Variants in SSBP4 observed in about 807,000 individuals in gnomAD.
SSBP4 encodes single stranded DNA binding protein 4.
A neutral mutation model predicts 64.6 loss-of-function variants in SSBP4; 33 were observed. The ratio of observed to expected loss-of-function variants is 0.51; its 90% CI spans 0.39 to 0.68. The LOEUF is 0.68. Ranked by LOEUF, SSBP4 falls within the 30% of genes least tolerant of loss-of-function variation. The pLI is 0.00. For synonymous variants in SSBP4, 243 were observed against 224.0 expected (o/e 1.08, Z -0.76); for missense variants, 583 against 566.8 (o/e 1.03, Z -0.29).
At chr19:18,404,848 C>T in the SSBP4 span, among the ~76,000 whole-genome samples, 3 of 144,248 alleles carry the variant, frequency 2.1e-5, no homozygotes, top group Non-Finnish European at 4.5e-5. Flanking sequence ...GCCAAGACCA[C>T]GCCACTGCAC....
chr19:18,424,027 C>T (rs1972658861), intron 1 of SSBP4, among the ~76,000 whole-genome samples: 1 of 152,218 alleles, frequency 6.6e-6, no homozygotes, highest in Non-Finnish European at 1.5e-5. Flanking sequence ...AACTCCCTGG[C>T]CGAACAGCCA....
chr19:18,419,120 C>T, upstream of SSBP4: 1 of 985,484 alleles, frequency 1.0e-6, no homozygotes, highest in Non-Finnish European at 1.2e-6. Context: ...GCTGGGTGTA[C>T]AACAATGTGG....
upstream of SSBP4, among the ~76,000 whole-genome samples, chr19:18,415,885 G>C (rs1972127757): frequency 6.6e-6 from 1 of 152,026 alleles, no homozygotes; most frequent in African/African-American, 2.4e-5. Flanking sequence ...ATCCATGGTG[G>C]GTGACTCACC....
rs1416333576 is a variant in SSBP4 at position 18,423,957 on chromosome 19, CGCCCCCAGACCTG to C, written c.60-3387_60-3375del. Among the ~76,000 whole-genome samples, 3 of 152,204 alleles carry C rather than the reference CGCCCCCAGACCTG, an allele frequency of 2.0e-5. No individual in the cohort carries two copies. Among genetic ancestry groups the C allele is most frequent in the Admixed American group, 2.0e-4 (3 of 15,296 alleles). On this transcript the variant is annotated intron_variant, in intron 1 of 17. Coordinates refer to ENST00000270061, the MANE Select transcript of SSBP4 (RefSeq NM_032627.5). This position sits in a 1 kb window ranked among gnomAD's most constrained non-coding sequence, Gnocchi z 4.0. The stretch of plus-strand genomic sequence containing the variant: ...CTGAGCTCAGGGCCCCAACCGGTGG[CGCCCCCAGACCTG>C]GCCCCCGGAGCAGTCCTCTGGGAGG...
the SSBP4 span, among the ~76,000 whole-genome samples, chr19:18,408,908 G>A: frequency 6.6e-6 from 1 of 152,092 alleles, no homozygotes; most frequent in Admixed American, 6.6e-5. Context: ...CACTTCCTGG[G>A]CTCAAGCGAT....
intron 1 of SSBP4, 71 bp downstream of exon 1, chr19:18,419,778 CGCGGGGCACGTGGGCGCGGGCGGCGG>C: frequency 9.5e-7 from 1 of 1,056,494 alleles, no homozygotes; most frequent in South Asian, 4.5e-5. Flanking sequence ...GCGGGCACCG[CGCGGGGCACGTGGGCGCGGGCGGCGG>C]GGAGCGCGAG....
the SSBP4 span, among the ~76,000 whole-genome samples, chr19:18,410,646 A>T: frequency 6.6e-6 from 1 of 151,940 alleles, no homozygotes; most frequent in Non-Finnish European, 1.5e-5. Context: ...CCGACCTGAG[A>T]GCAAGGGCAA....
At chr19:18,430,469 T>G (rs1020501988) in intron 4 of SSBP4, among the ~76,000 whole-genome samples, 1 of 152,126 alleles carries the variant, frequency 6.6e-6, no homozygotes, top group East Asian at 1.9e-4. Flanking sequence ...GGGTCTACAC[T>G]TGTTCTAAGG....
In SSBP4 at chr19:18,427,566, G is replaced by GGCTA. The variant is rs1225056223; in HGVS notation, c.132+146_132+149dup. 2 of 1,251,334 alleles carry GGCTA rather than the reference G, an allele frequency of 1.6e-6. No individual in the cohort carries two copies. The highest frequency in any genetic ancestry group is 1.5e-5 in the African/African-American group (1 of 66,542). 77.5% of individuals were successfully genotyped at this position (1,251,334 alleles called of 1,614,324 possible). A position where few individuals can be genotyped will look rare whatever the true frequency, so the allele number is the denominator to read the frequency against. ...AGGGCTCTGCAGGGTCCAGGCCCTG[G>GGCTA]GCTAGCATCCAGGCATCTGGTCCAC... is the stretch of plus-strand genomic sequence containing the variant. On this transcript the variant is annotated intron_variant, in intron 2 of 17. Coordinates refer to ENST00000270061, the MANE Select transcript of SSBP4 (RefSeq NM_032627.5). This position sits in a 1 kb window ranked among gnomAD's most constrained non-coding sequence, Gnocchi z 4.4.
In SSBP4 at chr19:18,434,207, C is replaced by G; in HGVS notation, c.1129-10C>G. The G allele has an allele frequency of 1.2e-6, 2 of 1,611,694 alleles. No individual in the cohort carries two copies. Among genetic ancestry groups the G allele is most frequent in the Non-Finnish European group, 1.7e-6 (2 of 1,179,456 alleles). ...CGGCCCCTGCGCGCTGCCCCCTCCT[C>G]TCTCCGCAGTACTCGCCAGGGATGA... On this transcript the variant is annotated splice_polypyrimidine_tract_variant and intron_variant, in intron 17 of 17. Coordinates refer to ENST00000270061, the MANE Select transcript of SSBP4 (RefSeq NM_032627.5).
Position 18,419,725 on chromosome 19 carries a change from G to A in SSBP4, c.59+18G>A. ...CGCGAGAAGTGAGTGCGGGGCCGGG[G>A]GCGGGGCTCGGCGTCCGCGCTCTTC... On this transcript the variant is annotated intron_variant, in intron 1 of 17. Transcript: ENST00000270061. 8.8e-7 allele frequency: 1 copy of A among 1,142,632 alleles called. No individual in the cohort carries two copies. The highest frequency in any genetic ancestry group is 1.1e-6 in the Non-Finnish European group (1 of 929,868). 70.8% of individuals were successfully genotyped at this position (1,142,632 alleles called of 1,614,324 possible).
chr19:18,403,049 T>C, the SSBP4 span, among the ~76,000 whole-genome samples: 1 of 152,250 alleles, frequency 6.6e-6, no homozygotes, highest in African/African-American at 2.4e-5. Flanking sequence ...AACCGCCCTA[T>C]GGCGGGAGGC....
At chr19:18,406,589 A>C in the SSBP4 span, among the ~76,000 whole-genome samples, 1 of 151,950 alleles carries the variant, frequency 6.6e-6, no homozygotes, top group Admixed American at 6.6e-5. Flanking sequence ...TCAAGGCTGC[A>C]GTGAGCCATG....
In SSBP4 at chr19:18,430,950, C is replaced by T. The variant is rs376046058; in HGVS notation, c.369+20C>T. 50 of 1,608,774 alleles carry T rather than the reference C, an allele frequency of 3.1e-5. No homozygotes were observed. The highest frequency in any genetic ancestry group is 4.2e-5 in the Non-Finnish European group (49 of 1,179,256). ...TTCCAGGTATGGCCCCGGCTGGAGT[C>T]CACTGGCCCCCAACTCTGGCTGAAC... On this transcript the variant is annotated intron_variant, in intron 5 of 17. Transcript: ENST00000270061.
rs193055547 is a variant in SSBP4 at position 18,424,469 on chromosome 19, C to T, written c.60-2882C>T. ...GGGCTTCCATGTGACAGTGAAGCCC[C>T]GAGAGGTGACACTGGAGTCTCTGGG... is the stretch of plus-strand genomic sequence containing the variant. On this transcript the variant is annotated intron_variant, in intron 1 of 17. Transcript: ENST00000270061. 7.1e-3 allele frequency among the ~76,000 whole-genome samples: 1,074 copies of T among 151,814 alleles called. 14 individuals carry two copies. Among genetic ancestry groups the T allele is most frequent in the African/African-American group, 0.025 (1,026 of 41,388 alleles).
upstream of SSBP4, among the ~76,000 whole-genome samples, chr19:18,417,306 T>C (rs1365043812): frequency 6.6e-6 from 1 of 152,140 alleles, no homozygotes; most frequent in Non-Finnish European, 1.5e-5. The surrounding 1 kb of genome is among the most constrained non-coding windows in gnomAD (Gnocchi z 5.4). Context: ...TCAATACATG[T>C]TTAATGGGGT....
At chr19:18,418,916 G>T (rs546754959), upstream of SSBP4, 1,107 of 961,926 alleles carry the variant, frequency 1.2e-3, 1 homozygote, top group South Asian at 2.0e-3. The surrounding 1 kb of genome is among the most constrained non-coding windows in gnomAD (Gnocchi z 6.7). Context: ...CTGGGTGTGT[G>T]GCAGTGTATG....
Position 18,431,722 on chromosome 19 carries a change from G to A in SSBP4, c.495+16G>A, listed in dbSNP as rs2144789192. 2 of 1,546,882 alleles carry A rather than the reference G, an allele frequency of 1.3e-6. No homozygotes were observed. The highest frequency in any genetic ancestry group is 2.0e-4 in the Middle Eastern group (1 of 5,064). On this transcript the variant is annotated intron_variant, in intron 7 of 17. Transcript: ENST00000270061. ...GCCGAGTCAGGTGAGAAAGGGATGAGGGGAGGGCGGGCAGGAGCTGGGCCG... is the reference window on the plus strand; with the variant it reads ...GCCGAGTCAGGTGAGAAAGGGATGAAGGGAGGGCGGGCAGGAGCTGGGCCG...
chr19:18,427,981 A>T lies in SSBP4; in HGVS notation c.278A>T (p.Tyr93Phe). Residue 93 changes from tyrosine (Y) to phenylalanine (F), a missense_variant and splice_region_variant, in exon 4 of 18, where the codon TAT (tyrosine) becomes TTT (phenylalanine). Tyr to Phe is a conservative substitution (Grantham distance 22). Transcript: ENST00000270061. This position sits in a 1 kb window ranked among gnomAD's most constrained non-coding sequence, Gnocchi z 4.4. ...HSGEAKAFQD[Y>F]SAAAAPSPVM... ...GGCGAGGCCAAGGCCTTCCAGGACT[A>T]TGTGAGTCCTGGCCCCAGGGACTCA... 1 of 1,419,342 alleles carries T rather than the reference A, an allele frequency of 7.0e-7. No individual in the cohort carries two copies. Among genetic ancestry groups the T allele is most frequent in the East Asian group, 3.6e-5 (1 of 27,762 alleles). 87.9% of individuals were successfully genotyped at this position (1,419,342 alleles called of 1,614,324 possible).
Sources: gnomAD v4.1 joint callset for allele counts (sites outside exome capture counted in the v4.1 genomes callset) on GRCh38, gnomAD v4.1.1 for gene constraint, Gnocchi (gnomAD v3.1) non-coding constraint, MANE v1.5 for transcripts, NCBI Gene and HGNC (gene_info 2026-07-23, HGNC 2026-07-21) for gene names.